SNTG1: variants seen among roughly 807,000 people sequenced by gnomAD.
SNTG1 encodes syntrophin gamma 1.
Under a neutral mutation model 74.7 loss-of-function variants are expected in SNTG1, and 39 were observed. The ratio of observed to expected loss-of-function variants is 0.52; its 90% CI spans 0.40 to 0.68. The LOEUF (loss-of-function observed/expected upper bound fraction) is 0.68, where lower values mean the gene tolerates loss of function less well. Among genes scored for constraint, SNTG1 ranks in the 30% least tolerant of loss-of-function variants. The pLI, the probability that SNTG1 is intolerant of heterozygous loss-of-function variation, is 0.00. For missense variants in SNTG1, 685 were observed against 609.5 expected, an observed-to-expected ratio of 1.12 and a Z score of -1.30; for synonymous variants, 254 against 217.1, an observed-to-expected ratio of 1.17 and a Z score of -1.49.
chr8:50,132,237 C>A (rs1201830100), intron 1 of SNTG1, among the ~76,000 whole-genome samples: 1 of 152,134 alleles, frequency 6.6e-6, no homozygotes, highest in African/African-American at 2.4e-5. Context: ...TTTTAATCAT[C>A]ATTAAAATAT....
intron 1 of SNTG1, among the ~76,000 whole-genome samples, chr8:49,941,234 T>G (rs559048413): frequency 6.6e-6 from 1 of 152,170 alleles, no homozygotes; most frequent in African/African-American, 2.4e-5. Context: ...CCAGCCTCCG[T>G]GCAGTTCCTT....
chr8:50,753,005 T>C (rs558006391), intron 18 of SNTG1, among the ~76,000 whole-genome samples: 3 of 152,154 alleles, frequency 2.0e-5, no homozygotes, highest in Admixed American at 2.0e-4. Flanking sequence ...TTGTGTAATG[T>C]GGGAACTGTG....
chr8:50,699,412 G>T (rs1214475531), intron 15 of SNTG1, among the ~76,000 whole-genome samples: 4 of 151,984 alleles, frequency 2.6e-5, no homozygotes, highest in Non-Finnish European at 4.4e-5. Flanking sequence ...CCCAATATTT[G>T]ATTTTGCTTT....
At chr8:49,922,647 A>C (rs888585701) in intron 1 of SNTG1, among the ~76,000 whole-genome samples, 7 of 152,122 alleles carry the variant, frequency 4.6e-5, no homozygotes, top group African/African-American at 1.7e-4. Flanking sequence ...CATTATCTGG[A>C]TGGAATTCCT....
chr8:50,181,121 C>T (rs1436588669), intron 2 of SNTG1, among the ~76,000 whole-genome samples: 1 of 152,110 alleles, frequency 6.6e-6, no homozygotes, highest in African/African-American at 2.4e-5. Context: ...CTTCTCCCTC[C>T]TAGTCACTTC....
intron 12 of SNTG1, among the ~76,000 whole-genome samples, chr8:50,563,870 T>C (rs1210130496): frequency 6.6e-6 from 1 of 152,126 alleles, no homozygotes; most frequent in Non-Finnish European, 1.5e-5. Context: ...TTCAGACAGC[T>C]CTCTCCTGGA....
At chr8:50,016,535 C>T (rs974633189) in intron 1 of SNTG1, among the ~76,000 whole-genome samples, 59 of 152,176 alleles carry the variant, frequency 3.9e-4, no homozygotes, top group Non-Finnish European at 5.9e-5. Flanking sequence ...ACCTTCAAGG[C>T]TCTTGTCTCC....
chr8:50,058,998 T>C (rs949820509), intron 1 of SNTG1, among the ~76,000 whole-genome samples: 1 of 152,082 alleles, frequency 6.6e-6, no homozygotes, highest in Non-Finnish European at 1.5e-5. Flanking sequence ...AATCATACAG[T>C]GTGCAGGCAT....
intron 1 of SNTG1, among the ~76,000 whole-genome samples, chr8:50,070,437 G>A (rs1232096201): frequency 1.3e-5 from 2 of 152,138 alleles, no homozygotes; most frequent in Admixed American, 6.5e-5. Flanking sequence ...GTGAACAGAT[G>A]CAATCATAAA....
At chr8:50,657,093 G>A in intron 14 of SNTG1, 68 bp downstream of exon 14, 1 of 765,186 alleles carries the variant, frequency 1.3e-6, no homozygotes, top group Non-Finnish European at 2.0e-6. Flanking sequence ...CAACTTAACA[G>A]CACCAAATAG....
Position 50,586,931 on chromosome 8 carries a change from G to A in SNTG1, c.811-3948G>A, listed in dbSNP as rs182831894. On this transcript the variant is annotated intron_variant, in intron 12 of 18. Transcript: ENST00000642720. ...AATAATAATAATTATAAAATACAAA[G>A]CAGCAAAGGAAGCATTCATGTAATA... is the stretch of plus-strand genomic sequence containing the variant. Among the ~76,000 whole-genome samples, 648 of 151,910 alleles carry A rather than the reference G, an allele frequency of 4.3e-3. 9 individuals are homozygous for A. Among genetic ancestry groups the A allele is most frequent in the African/African-American group, 0.014 (587 of 41,470 alleles).
intron 2 of SNTG1, among the ~76,000 whole-genome samples, chr8:50,305,095 T>G (rs1477048372): frequency 6.6e-6 from 1 of 151,886 alleles, no homozygotes; most frequent in Non-Finnish European, 1.5e-5. Context: ...GAGATGGGGT[T>G]TCACCATGTT....
chr8:50,580,714 C>A (rs1318482310), intron 12 of SNTG1, among the ~76,000 whole-genome samples: 1 of 152,188 alleles, frequency 6.6e-6, no homozygotes, highest in Non-Finnish European at 1.5e-5. Context: ...CCCCTTCCAT[C>A]ATGACTGTGT....
At chr8:50,335,466 G>A (rs939759254) in intron 2 of SNTG1, among the ~76,000 whole-genome samples, 1 of 152,092 alleles carries the variant, frequency 6.6e-6, no homozygotes, top group Non-Finnish European at 1.5e-5. Context: ...ATACACATTG[G>A]TTATAGGAAT....
intron 1 of SNTG1, among the ~76,000 whole-genome samples, chr8:49,948,754 T>G (rs1357122326): frequency 2.0e-5 from 3 of 152,156 alleles, no homozygotes; most frequent in African/African-American, 7.2e-5. Context: ...GCAAAATTAG[T>G]GAGAAGGATG....
chr8:50,634,561 C>T (rs2131133245), intron 13 of SNTG1, among the ~76,000 whole-genome samples: 1 of 152,286 alleles, frequency 6.6e-6, no homozygotes, highest in Non-Finnish European at 1.5e-5. Flanking sequence ...GTACCCTTTA[C>T]CTAGTTTCTC....
At chr8:50,467,688 C>T (rs955857634) in intron 8 of SNTG1, among the ~76,000 whole-genome samples, 2 of 151,682 alleles carry the variant, frequency 1.3e-5, no homozygotes, top group African/African-American at 4.8e-5. Context: ...TTACTTTAGG[C>T]TTTGATTGCT....
At chr8:50,249,382 A>T (rs2129852268) in intron 2 of SNTG1, among the ~76,000 whole-genome samples, 1 of 152,334 alleles carries the variant, frequency 6.6e-6, no homozygotes, top group South Asian at 2.1e-4. Context: ...GGCCAGAGGC[A>T]GTCCTGCCCC....
intron 1 of SNTG1, among the ~76,000 whole-genome samples, chr8:49,980,730 T>A (rs1812604594): frequency 6.6e-6 from 1 of 152,042 alleles, no homozygotes; most frequent in African/African-American, 2.4e-5. Flanking sequence ...CAGGTACTTT[T>A]GATAATGTGG....
Sources: allele counts gnomAD v4.1 joint callset (sites outside exome capture counted in the v4.1 genomes callset), GRCh38; gene constraint gnomAD v4.1.1; transcripts MANE v1.5; gene names NCBI Gene and HGNC (gene_info 2026-07-23, HGNC 2026-07-21).